Variants in BCO1 observed in about 807,000 individuals in gnomAD.
BCO1 encodes beta,beta-carotene 15,15'-dioxygenase.
BCO1 carries 54 observed loss-of-function variants against 56.3 expected under a neutral mutation model. The ratio of observed to expected loss-of-function variants is 0.96; its 90% CI spans 0.77 to 1.20. BCO1 has a LOEUF of 1.20. Among genes scored for constraint, BCO1 ranks in the 50% most tolerant of loss-of-function variants. BCO1 has a pLI of 0.00. For synonymous variants in BCO1, 318 were observed against 266.1 expected, an observed-to-expected ratio of 1.20 and a Z score of -1.90; for missense variants, 801 against 690.9, an observed-to-expected ratio of 1.16 and a Z score of -1.79.
At chr16:81,246,252 AT>A in intron 2 of BCO1, among the ~76,000 whole-genome samples, 1 of 152,008 alleles carries the variant, frequency 6.6e-6, no homozygotes, top group East Asian at 1.9e-4. Flanking sequence ...GACCCTTGTG[AT>A]TACATTGAAT....
At chr16:81,277,070 A>AC (rs1425478795) in intron 7 of BCO1, among the ~76,000 whole-genome samples, 1 of 151,300 alleles carries the variant, frequency 6.6e-6, no homozygotes, top group Non-Finnish European at 1.5e-5. Context: ...GGTCTCAAAA[A>AC]AAAAAAAAAA....
intron 6 of BCO1, 149 bp from the exon 7 acceptor site, chr16:81,270,010 C>G: frequency 1.7e-5 from 17 of 985,264 alleles, no homozygotes; most frequent in Non-Finnish European, 2.1e-5. Flanking sequence ...TTTTGCCTGT[C>G]TGGTGTTGTG....
intron 8 of BCO1, among the ~76,000 whole-genome samples, chr16:81,285,276 G>C (rs184480221): frequency 2.1e-3 from 318 of 152,274 alleles, no homozygotes; most frequent in African/African-American, 7.3e-3. Flanking sequence ...TTCTATGTTG[G>C]ATAATTAAAG....
chr16:81,251,848 ACACG>A (rs1337325605), intron 2 of BCO1, among the ~76,000 whole-genome samples: 2 of 144,378 alleles, frequency 1.4e-5, no homozygotes, highest in African/African-American at 5.5e-5. Flanking sequence ...ACACACACAC[ACACG>A]CACACACACA....
chr16:81,261,893 C>A, intron 3 of BCO1: 1 of 416,088 alleles, frequency 2.4e-6, no homozygotes, highest in Non-Finnish European at 4.5e-6. Context: ...AGGCGCCTGC[C>A]ACCACGCCCG....
chr16:81,281,780 A>G (rs147210001), intron 8 of BCO1, among the ~76,000 whole-genome samples: 1 of 152,112 alleles, frequency 6.6e-6, no homozygotes, highest in Non-Finnish European at 1.5e-5. Flanking sequence ...GAATTGTAAG[A>G]TGTTTAGCCA....
chr16:81,282,106 C>T (rs1907915755), intron 8 of BCO1, among the ~76,000 whole-genome samples: 1 of 152,194 alleles, frequency 6.6e-6, no homozygotes, highest in African/African-American at 2.4e-5. Context: ...TGGCTGGGCA[C>T]GGTGGCTCAC....
chr16:81,259,124 A>G lies in BCO1; in HGVS notation c.194-552A>G, dbSNP rs1906322056. On this transcript the variant is annotated intron_variant, in intron 2 of 10. Coordinates refer to ENST00000258168, the MANE Select transcript of BCO1 (RefSeq NM_017429.3). ...GGCTTCAACATGAGATTTGCAAGGAACAAAACATTCAAACCGTAACACATA... is the reference window on the plus strand; with the variant it reads ...GGCTTCAACATGAGATTTGCAAGGAGCAAAACATTCAAACCGTAACACATA... 2.6e-5 allele frequency among the ~76,000 whole-genome samples: 4 copies of G among 152,202 alleles called. No individual in the cohort carries two copies. The South Asian group carries it at 8.3e-4, about 32-fold the overall frequency.
chr16:81,269,065 C>CTTTTTTTTTTTTTT (rs71146003), intron 6 of BCO1, among the ~76,000 whole-genome samples: 1 of 83,070 alleles, frequency 1.2e-5, no homozygotes, highest in African/African-American at 5.6e-5. Flanking sequence ...TGCACCTGGT[C>CTTTTTTTTTTTTTT]TTTTTTTTTT....
At chr16:81,268,558 A>G (rs1906980815) in intron 6 of BCO1, among the ~76,000 whole-genome samples, 1 of 152,200 alleles carries the variant, frequency 6.6e-6, no homozygotes, top group Admixed American at 6.5e-5. Context: ...TTGTAATGAC[A>G]GTATGTTCCA....
At chr16:81,260,544 T>A (rs937153563) in intron 3 of BCO1, among the ~76,000 whole-genome samples, 5 of 152,204 alleles carry the variant, frequency 3.3e-5, no homozygotes, top group Non-Finnish European at 7.3e-5. Context: ...GTTTCACTCT[T>A]CTTGTCCAAG....
At chr16:81,251,005 C>T (rs1160094300) in intron 2 of BCO1, among the ~76,000 whole-genome samples, 1 of 152,108 alleles carries the variant, frequency 6.6e-6, no homozygotes, top group Non-Finnish European at 1.5e-5. Flanking sequence ...TTTGACAATC[C>T]CTCCACAATG....
At chr16:81,258,893 C>G (rs887916733) in intron 2 of BCO1, among the ~76,000 whole-genome samples, 3 of 152,056 alleles carry the variant, frequency 2.0e-5, no homozygotes, top group African/African-American at 7.2e-5. Context: ...AAAGCTTTGG[C>G]TCATGGCAGA....
chr16:81,244,080 G>A (rs778072968), intron 1 of BCO1, among the ~76,000 whole-genome samples: 2 of 152,230 alleles, frequency 1.3e-5, no homozygotes, highest in Non-Finnish European at 1.5e-5. Context: ...GGTGCTTCCT[G>A]CTCTTCCTGC....
rs112893648 is a variant in BCO1 at position 81,242,505 on chromosome 16, T to G, written c.65-2970T>G. 7.8e-3 allele frequency among the ~76,000 whole-genome samples: 1,180 copies of G among 152,214 alleles called. 11 individuals are homozygous for G. Among genetic ancestry groups the G allele is most frequent in the African/African-American group, 0.026 (1,070 of 41,536 alleles). ...CCTGAGCCACCGCGCTGGCCTCGGC[T>G]GTCATTTTTCAGTGCTCCACTGCAC... On this transcript the variant is annotated intron_variant, in intron 1 of 10. Coordinates refer to ENST00000258168, the MANE Select transcript of BCO1 (RefSeq NM_017429.3).
chr16:81,254,820 A>C (rs967969421), intron 2 of BCO1, among the ~76,000 whole-genome samples: 14 of 152,118 alleles, frequency 9.2e-5, no homozygotes. Flanking sequence ...TTTTTGAGGC[A>C]GGGTCTTGCT....
chr16:81,239,075 G>C, intron 1 of BCO1, 103 bp downstream of exon 1: 1 of 1,033,156 alleles, frequency 9.7e-7, no homozygotes, highest in Middle Eastern at 3.2e-4. Flanking sequence ...GGAGTCCAGT[G>C]GCTTGATCTC....
At chr16:81,261,507 C>T (rs563988595) in intron 3 of BCO1, among the ~76,000 whole-genome samples, 7 of 152,252 alleles carry the variant, frequency 4.6e-5, no homozygotes, top group Admixed American at 2.0e-4. Context: ...GGTTCATATA[C>T]GATTTCCGTA....
intron 7 of BCO1, 101 bp from the exon 8 acceptor site, chr16:81,280,756 T>G: frequency 2.5e-6 from 2 of 815,324 alleles, no homozygotes; most frequent in East Asian, 2.7e-5. Flanking sequence ...TAAGCCAAGA[T>G]GACATGTATT....
Sources: gnomAD v4.1 joint callset for allele counts (sites outside exome capture counted in the v4.1 genomes callset) on GRCh38, gnomAD v4.1.1 for gene constraint, MANE v1.5 for transcripts, NCBI Gene and HGNC (gene_info 2026-07-23, HGNC 2026-07-21) for gene names.